TNFRSF10A: variants seen among roughly 807,000 people sequenced by gnomAD.
TNFRSF10A encodes tumor necrosis factor receptor superfamily member 10A.
TNFRSF10A carries 44 observed loss-of-function variants against 42.8 expected under a neutral mutation model. That is an observed-to-expected ratio of 1.03 (90% CI 0.81 to 1.32). The LOEUF (loss-of-function observed/expected upper bound fraction) is 1.32. Among genes scored for constraint, TNFRSF10A ranks in the 40% most tolerant of loss-of-function variants. The pLI is 0.00. For missense variants in TNFRSF10A, 680 were observed against 602.0 expected, an observed-to-expected ratio of 1.13 and a Z score of -1.36; for synonymous variants, 259 against 234.2, an observed-to-expected ratio of 1.11 and a Z score of -0.97.
intron 2 of TNFRSF10A, 30 bp from the exon 3 acceptor site, chr8:23,202,791 A>T: frequency 6.6e-7 from 1 of 1,509,774 alleles, no homozygotes. Flanking sequence ...CCAATGAATG[A>T]ATTGCCACAG....
intron 9 of TNFRSF10A, among the ~76,000 whole-genome samples, chr8:23,193,854 T>C (rs1401018732): frequency 1.3e-5 from 2 of 152,250 alleles, no homozygotes; most frequent in Non-Finnish European, 2.9e-5. Context: ...TAATACTGTT[T>C]GGCTCCAATA....
intron 6 of TNFRSF10A, 89 bp downstream of exon 6, chr8:23,200,416 T>A: frequency 6.9e-7 from 1 of 1,442,516 alleles, no homozygotes. Flanking sequence ...ACACTAGGAC[T>A]TGGGGCAGGG....
In TNFRSF10A at chr8:23,201,673, G is replaced by A. The variant is rs79441081; in HGVS notation, c.629+135C>T. 1,396 of 756,492 alleles carry A rather than the reference G, an allele frequency of 1.8e-3. 12 individuals carry two copies. The African/African-American group carries it at 0.019, about 11-fold the overall frequency. 46.9% of individuals were successfully genotyped at this position (756,492 alleles called of 1,614,324 possible). Reference sequence around the variant, plus strand: ...GGCTCAGGAGACGCCACAGGCTCAGGGACACCTATGGGGGTGGAGGCACCA... The same window carrying A: ...GGCTCAGGAGACGCCACAGGCTCAGAGACACCTATGGGGGTGGAGGCACCA... On this transcript the variant is annotated intron_variant, in intron 4 of 9. Coordinates refer to ENST00000221132, the MANE Select transcript of TNFRSF10A (RefSeq NM_003844.4).
intron 2 of TNFRSF10A, among the ~76,000 whole-genome samples, chr8:23,211,579 A>G (rs1431199499): frequency 2.6e-5 from 4 of 152,222 alleles, no homozygotes; most frequent in African/African-American, 9.6e-5. Context: ...AAAGCCCAGC[A>G]TAAACAAAAT....
chr8:23,219,471 T>A (rs565183825), intron 1 of TNFRSF10A, among the ~76,000 whole-genome samples: 1 of 150,996 alleles, frequency 6.6e-6, no homozygotes, highest in African/African-American at 2.4e-5. Flanking sequence ...ACTTTAGCCC[T>A]GCAGAAGCCA....
In TNFRSF10A at chr8:23,206,967, C is replaced by T. The variant is rs148457076; in HGVS notation, c.404-4206G>A. The T allele has an allele frequency of 8.9e-4, 293 of 329,442 alleles. 2 individuals are homozygous for T. Among genetic ancestry groups the T allele is most frequent in the African/African-American group, 5.7e-3 (260 of 45,906 alleles). The allele number at this position is 329,442 out of a possible 1,614,324, so 20.4% of individuals were successfully genotyped here. ...GCTCCTGCCCCTCCTAAAGCTGAAG[C>T]GATGCAAAGGTTTTGAAGGCCAAGA... On this transcript the variant is annotated intron_variant, in intron 2 of 9. Transcript: ENST00000221132.
At chr8:23,217,381 T>C in intron 1 of TNFRSF10A, among the ~76,000 whole-genome samples, 1 of 152,114 alleles carries the variant, frequency 6.6e-6, no homozygotes. Flanking sequence ...CACACCCAGC[T>C]AATTTTTGTA....
chr8:23,224,755 C>T lies in TNFRSF10A; in HGVS notation c.306+1G>A. On this transcript the variant is annotated splice_donor_variant, in intron 1 of 9. Transcript: ENST00000221132. LOFTEE classifies it high-confidence loss of function. Reference sequence around the variant, plus strand: ...CAGGCAGGACCGCGGTGGGGACTCACCTGCAGCAGGACCCCGACGACGACA... The same window carrying T: ...CAGGCAGGACCGCGGTGGGGACTCATCTGCAGCAGGACCCCGACGACGACA... 1 of 1,563,704 alleles carries T rather than the reference C, an allele frequency of 6.4e-7. No individual in the cohort carries two copies. Among genetic ancestry groups the T allele is most frequent in the South Asian group, 1.2e-5 (1 of 85,060 alleles).
chr8:23,192,078 T>TC, intron 9 of TNFRSF10A, 65 bp from the exon 10 acceptor site: 1 of 1,544,638 alleles, frequency 6.5e-7, no homozygotes. Context: ...GGGCAGAGGA[T>TC]CCCACATCAG....
In TNFRSF10A at chr8:23,202,775, GA is replaced by G; in HGVS notation, c.404-15del. On this transcript the variant is annotated splice_polypyrimidine_tract_variant and intron_variant, in intron 2 of 9. Coordinates refer to ENST00000221132, the MANE Select transcript of TNFRSF10A (RefSeq NM_003844.4). The stretch of plus-strand genomic sequence containing the variant: ...ATCTATGAGATCCTGGGAAGGGAGA[GA>G]AAAGCCAATGAATGAATTGCCACAG... The G allele has an allele frequency of 6.3e-7, 1 of 1,584,798 alleles. No individual in the cohort carries two copies. The highest frequency in any genetic ancestry group is 8.7e-7 in the Non-Finnish European group (1 of 1,153,680).
intron 1 of TNFRSF10A, 72 bp from the exon 2 acceptor site, chr8:23,212,284 C>T: frequency 7.5e-7 from 1 of 1,330,340 alleles, no homozygotes. Flanking sequence ...ATCTCACATT[C>T]CATTCCCCCA....
rs761300539 is a variant in TNFRSF10A, at chr8:23,201,892, G to A, written c.545C>T (p.Thr182Met). 41 of 1,614,014 alleles carry A rather than the reference G, an allele frequency of 2.5e-5. No individual in the cohort carries two copies. In the East Asian group the frequency reaches 6.0e-4, roughly 24 times the overall value. Residue 182 changes from threonine (T) to methionine (M), a missense_variant, in exon 4 of 10, where the codon ACG becomes ATG. By Grantham distance (81) the Thr-to-Met change is moderately conservative. Transcript: ENST00000221132. Reference protein sequence around the residue: ...SDEEERSPCTTTRNTACQCKP... With the variant: ...SDEEERSPCTMTRNTACQCKP... ...GCACTGACATGCTGTGTTCCTGGTCGTGGTGCAGGGACTTCTCTCTTCTTC... is the reference window on the plus strand; with the variant it reads ...GCACTGACATGCTGTGTTCCTGGTCATGGTGCAGGGACTTCTCTCTTCTTC...
chr8:23,196,113 T>C (rs890143649), intron 9 of TNFRSF10A, among the ~76,000 whole-genome samples: 1 of 152,176 alleles, frequency 6.6e-6, no homozygotes, highest in Non-Finnish European at 1.5e-5. Flanking sequence ...TACAAATCAC[T>C]ACATCCAATG....
intron 4 of TNFRSF10A, among the ~76,000 whole-genome samples, 187 bp from the exon 5 acceptor site, chr8:23,200,947 A>T (rs1423674411): frequency 6.6e-6 from 1 of 152,134 alleles, no homozygotes; most frequent in East Asian, 1.9e-4. Flanking sequence ...GAGCATGCAC[A>T]CTTTACCCCC....
intron 6 of TNFRSF10A, 82 bp downstream of exon 6, chr8:23,200,423 A>AG (rs1223858601): frequency 4.7e-6 from 7 of 1,483,298 alleles, no homozygotes. Context: ...GACTTGGGGC[A>AG]GGGGTGAGCG....
intron 1 of TNFRSF10A, among the ~76,000 whole-genome samples, chr8:23,218,164 G>A (rs1378450217): frequency 7.6e-6 from 1 of 131,078 alleles, no homozygotes; most frequent in Non-Finnish European, 1.8e-5. Flanking sequence ...GTTTGTGTGT[G>A]TGAGAGAGAG....
chr8:23,198,630 G>A (rs1457463687), intron 8 of TNFRSF10A, among the ~76,000 whole-genome samples: 2 of 151,840 alleles, frequency 1.3e-5, no homozygotes, highest in South Asian at 4.1e-4. Flanking sequence ...GAAAAAAAAA[G>A]AAAAGAAAAA....
intron 8 of TNFRSF10A, among the ~76,000 whole-genome samples, chr8:23,198,707 G>A (rs1166031533): frequency 6.6e-6 from 1 of 152,158 alleles, no homozygotes; most frequent in African/African-American, 2.4e-5. Flanking sequence ...GTGTGCATGT[G>A]TGTACCTGTA....
At chr8:23,198,067 A>G in intron 8 of TNFRSF10A, among the ~76,000 whole-genome samples, 1 of 151,970 alleles carries the variant, frequency 6.6e-6, no homozygotes, top group Non-Finnish European at 1.5e-5. Flanking sequence ...GTACTAATGC[A>G]AGAAAGGAAC....
Sources: allele counts gnomAD v4.1 joint callset (sites outside exome capture counted in the v4.1 genomes callset), GRCh38; gene constraint gnomAD v4.1.1; transcripts MANE v1.5; gene names NCBI Gene and HGNC (gene_info 2026-07-23, HGNC 2026-07-21).